The following PCDH9 variants were observed in gnomAD, a reference collection of about 807,000 sequenced individuals.
PCDH9 encodes the protein protocadherin-9.
PCDH9 carries 24 observed loss-of-function variants against 70.6 expected under a neutral mutation model. That is an observed-to-expected ratio of 0.34 (90% CI 0.25 to 0.48). The LOEUF (loss-of-function observed/expected upper bound fraction) is 0.48, where lower values mean the gene tolerates loss of function less well. PCDH9 is among the 20% of genes least tolerant of loss of function. The pLI is 0.99. For synonymous variants in PCDH9, 562 were observed against 558.5 expected (o/e 1.01, Z -0.09); for missense variants, 1,281 against 1,503.6 (o/e 0.85, Z 2.45).
At chr13:66,803,030 A>G (rs943434809) in intron 3 of PCDH9, among the ~76,000 whole-genome samples, 2 of 152,130 alleles carry the variant, frequency 1.3e-5, no homozygotes, top group African/African-American at 4.8e-5. Flanking sequence ...TGAGTTATTA[A>G]ATTGAAGTAT....
rs146867313 is a variant in PCDH9 at position 66,483,217 on chromosome 13, T to C, written c.3340+147993A>G. Among the ~76,000 whole-genome samples the C allele has an allele frequency of 1.2e-3, 188 of 152,356 alleles. 5 individuals are homozygous for C. In the East Asian group the frequency reaches 0.034, roughly 28 times the overall value. On this transcript the variant is annotated intron_variant, in intron 4 of 4. Transcript: ENST00000377865. ...GAAAGTGTTTATTAGTTTCTCTGAT[T>C]AGAGAAATTACACAGAATTGGCTCT...
chr13:66,468,685 C>T (rs1362629585), intron 4 of PCDH9, among the ~76,000 whole-genome samples: 1 of 152,080 alleles, frequency 6.6e-6, no homozygotes, highest in Non-Finnish European at 1.5e-5. Flanking sequence ...ATAACATAAT[C>T]CTCTGCATAA....
intron 3 of PCDH9, among the ~76,000 whole-genome samples, chr13:66,892,422 A>G (rs926525843): frequency 6.6e-6 from 1 of 151,880 alleles, no homozygotes; most frequent in Non-Finnish European, 1.5e-5. Flanking sequence ...TAACAATGAA[A>G]CTGGAGTGGC....
chr13:66,898,740 T>G (rs2082226522), intron 3 of PCDH9, among the ~76,000 whole-genome samples: 1 of 152,052 alleles, frequency 6.6e-6, no homozygotes, highest in Non-Finnish European at 1.5e-5. Context: ...CAAAAGGGTT[T>G]TGGCTTTATA....
chr13:67,084,089 AT>A (rs898404912), intron 2 of PCDH9, among the ~76,000 whole-genome samples: 16 of 152,298 alleles, frequency 1.1e-4, no homozygotes, highest in African/African-American at 3.8e-4. Context: ...TGAGAAGTGA[AT>A]ATGCACCATA....
intron 4 of PCDH9, among the ~76,000 whole-genome samples, chr13:66,351,890 A>G (rs1056529248): frequency 6.6e-6 from 1 of 150,612 alleles, no homozygotes; most frequent in Non-Finnish European, 1.5e-5. Flanking sequence ...CCAAGGCTAG[A>G]GTGTAATGGC....
chr13:66,381,484 C>G (rs1325435517), intron 4 of PCDH9, among the ~76,000 whole-genome samples: 3 of 152,094 alleles, frequency 2.0e-5, no homozygotes, highest in Non-Finnish European at 4.4e-5. Context: ...GTAAGGCTTA[C>G]TTTTAGTACT....
chr13:66,617,421 GCTTTCTTT>G (rs1238279352), intron 4 of PCDH9, among the ~76,000 whole-genome samples: 1 of 152,142 alleles, frequency 6.6e-6, no homozygotes, highest in Non-Finnish European at 1.5e-5. Flanking sequence ...CTTTAAAAAT[GCTTTCTTT>G]TTCCTTTCTT....
chr13:66,546,927 A>G (rs1376349911), intron 4 of PCDH9, among the ~76,000 whole-genome samples: 1 of 152,178 alleles, frequency 6.6e-6, no homozygotes, highest in Non-Finnish European at 1.5e-5. Flanking sequence ...CTAGCCTAGG[A>G]GCAAATTAGG....
intron 3 of PCDH9, among the ~76,000 whole-genome samples, chr13:66,855,518 T>A (rs2081380843): frequency 6.6e-6 from 1 of 152,036 alleles, no homozygotes; most frequent in African/African-American, 2.4e-5. Flanking sequence ...TTTGCTAGAC[T>A]TTTTCTTGAA....
chr13:66,328,775 AT>A lies in PCDH9; in HGVS notation c.3341-23748del, dbSNP rs374222324. 9.0e-3 allele frequency among the ~76,000 whole-genome samples: 1,364 copies of A among 151,582 alleles called. 21 individuals are homozygous for A. The highest frequency in any genetic ancestry group is 0.031 in the African/African-American group (1,273 of 41,294). On this transcript the variant is annotated intron_variant, in intron 4 of 4. Transcript: ENST00000377865. Reference sequence around the variant, plus strand: ...ATATGATTTCTCCAGTCAAGAAGTGATTTTTTTTTCCCTTAGACAAAGATAT... The same window carrying A: ...ATATGATTTCTCCAGTCAAGAAGTGATTTTTTTTCCCTTAGACAAAGATAT...
intron 3 of PCDH9, among the ~76,000 whole-genome samples, chr13:66,896,764 T>C (rs1566275060): frequency 6.6e-6 from 1 of 152,210 alleles, no homozygotes; most frequent in Non-Finnish European, 1.5e-5. Flanking sequence ...TTTTGCATTT[T>C]GAACCAGGTC....
chr13:66,365,090 CTTAAT>C (rs146478969), intron 4 of PCDH9, among the ~76,000 whole-genome samples: 4 of 152,212 alleles, frequency 2.6e-5, no homozygotes, highest in East Asian at 1.9e-4. Context: ...CACAAATGAA[CTTAAT>C]TTATTTCCTT....
chr13:66,953,674 T>C (rs1021809366), intron 2 of PCDH9, among the ~76,000 whole-genome samples: 2 of 152,200 alleles, frequency 1.3e-5, no homozygotes, highest in African/African-American at 4.8e-5. Flanking sequence ...ATGTTAAGTC[T>C]TTGTGGATCC....
At chr13:66,357,085 GAGAGA>G (rs1956396840) in intron 4 of PCDH9, among the ~76,000 whole-genome samples, 1 of 152,004 alleles carries the variant, frequency 6.6e-6, no homozygotes, top group Non-Finnish European at 1.5e-5. Flanking sequence ...GCTTCTGGAA[GAGAGA>G]AGAGAAGCAT....
At chr13:66,895,018 G>A (rs1244826234) in intron 3 of PCDH9, among the ~76,000 whole-genome samples, 1 of 151,984 alleles carries the variant, frequency 6.6e-6, no homozygotes, top group Non-Finnish European at 1.5e-5. Context: ...ATGTTGGCCA[G>A]GCAGGTCTCA....
chr13:66,367,157 C>T (rs992769866), intron 4 of PCDH9, among the ~76,000 whole-genome samples: 9 of 152,016 alleles, frequency 5.9e-5, no homozygotes, highest in African/African-American at 1.7e-4. Flanking sequence ...CAATGTTAAA[C>T]GTATATTATG....
chr13:67,087,093 A>C (rs1199493235), intron 2 of PCDH9, among the ~76,000 whole-genome samples: 1 of 151,222 alleles, frequency 6.6e-6, no homozygotes, highest in Non-Finnish European at 1.5e-5. Context: ...TTTGTAAAAA[A>C]AAAAAAAAAA....
chr13:66,709,093 T>G (rs1460099959), intron 3 of PCDH9, among the ~76,000 whole-genome samples: 2 of 152,176 alleles, frequency 1.3e-5, no homozygotes, highest in African/African-American at 4.8e-5. Context: ...GATATGCTGG[T>G]AGAAAACACG....
Sources: gnomAD v4.1 joint callset for allele counts (sites outside exome capture counted in the v4.1 genomes callset) on GRCh38, gnomAD v4.1.1 for gene constraint, MANE v1.5 for transcripts, NCBI Gene and HGNC (gene_info 2026-07-23, HGNC 2026-07-21) for gene names.